The following FANCL variants were observed in gnomAD, a reference collection of about 807,000 sequenced individuals.
FANCL encodes the protein FA complementation group L.
A neutral mutation model predicts 59.4 loss-of-function variants in FANCL; 69 were observed. The ratio of observed to expected loss-of-function variants is 1.16; its 90% confidence interval spans 0.96 to 1.42. The LOEUF (loss-of-function observed/expected upper bound fraction) is 1.42. Ranked by LOEUF, FANCL falls within the 40% of genes most tolerant of loss-of-function variation. The pLI is 0.00. For missense variants in FANCL, 519 were observed against 447.2 expected, an observed-to-expected ratio of 1.16 and a Z score of -1.45; for synonymous variants, 180 against 147.1, an observed-to-expected ratio of 1.22 and a Z score of -1.62.
intron 4 of FANCL, 96 bp downstream of exon 4, chr2:58,226,632 G>T: frequency 3.3e-6 from 3 of 899,508 alleles, no homozygotes; most frequent in Non-Finnish European, 5.4e-6. Context: ...GAGTTAAGAA[G>T]ACAAATTCTA....
At chr2:58,163,176 C>T (rs1483604094) in intron 9 of FANCL, 102 bp from the exon 10 acceptor site, 9 of 1,056,852 alleles carry the variant, frequency 8.5e-6, no homozygotes, top group Admixed American at 6.3e-5. Context: ...ATTAGAAAAT[C>T]AAAATTATAT....
chr2:58,239,950 A>C (rs765846258), intron 1 of FANCL, among the ~76,000 whole-genome samples: 9 of 152,212 alleles, frequency 5.9e-5, no homozygotes, highest in Non-Finnish European at 1.0e-4. Context: ...ATAAACTGCT[A>C]AGGCAGGTAC....
At chr2:58,173,058 G>A (rs918394227) in intron 7 of FANCL, among the ~76,000 whole-genome samples, 2 of 152,182 alleles carry the variant, frequency 1.3e-5, no homozygotes, top group Non-Finnish European at 2.9e-5. Context: ...TGAAGTGAAT[G>A]AAATGAAGCA....
chr2:58,168,894 A>G (rs762172533), intron 7 of FANCL, among the ~76,000 whole-genome samples: 9 of 152,158 alleles, frequency 5.9e-5, no homozygotes, highest in African/African-American at 2.2e-4. Context: ...AGACTGCCTC[A>G]CCAGATTCCT....
At chr2:58,194,926 CA>C (rs200645448) in intron 7 of FANCL, among the ~76,000 whole-genome samples, 30 of 146,046 alleles carry the variant, frequency 2.1e-4, no homozygotes, top group Admixed American at 2.7e-4. Flanking sequence ...TATTATATCA[CA>C]AAAAAAAAAG....
At chr2:58,213,149 T>C (rs1403989329) in intron 5 of FANCL, among the ~76,000 whole-genome samples, 4 of 152,238 alleles carry the variant, frequency 2.6e-5, no homozygotes, top group African/African-American at 7.2e-5. Context: ...TACAGACTTA[T>C]TGACAGAGTC....
At chr2:58,210,460 T>C (rs1267911192) in intron 5 of FANCL, among the ~76,000 whole-genome samples, 2 of 152,302 alleles carry the variant, frequency 1.3e-5, no homozygotes, top group Non-Finnish European at 2.9e-5. Context: ...CAATTCAAGA[T>C]GAGACTTGGG....
intron 2 of FANCL, among the ~76,000 whole-genome samples, chr2:58,231,769 T>C (rs764858631): frequency 2.0e-5 from 3 of 152,216 alleles, no homozygotes; most frequent in Non-Finnish European, 2.9e-5. Flanking sequence ...TGTTCTCCCT[T>C]TATATACCTG....
At chr2:58,188,291 C>T (rs1476166581) in intron 7 of FANCL, among the ~76,000 whole-genome samples, 1 of 151,986 alleles carries the variant, frequency 6.6e-6, no homozygotes, top group African/African-American at 2.4e-5. Context: ...CCATATTATC[C>T]TGAAAAAAGT....
chr2:58,177,565 G>T (rs1687466358), intron 7 of FANCL, among the ~76,000 whole-genome samples: 2 of 145,646 alleles, frequency 1.4e-5, no homozygotes, highest in African/African-American at 5.1e-5. Context: ...CTCACTCATA[G>T]GTGGGAATTG....
At chr2:58,170,512 G>T (rs1686470277) in intron 7 of FANCL, among the ~76,000 whole-genome samples, 2 of 151,986 alleles carry the variant, frequency 1.3e-5, no homozygotes, top group African/African-American at 4.8e-5. Context: ...ATAATGACAG[G>T]ATCAAATTTA....
chr2:58,207,521 T>C (rs1466409765), intron 5 of FANCL, among the ~76,000 whole-genome samples: 1 of 152,208 alleles, frequency 6.6e-6, no homozygotes, highest in Non-Finnish European at 1.5e-5. Context: ...AACCCACTCT[T>C]GACCATCTGC....
At position 58,198,662 on chromosome 2, in the gene FANCL, A is replaced by C. The variant is rs749411866; in HGVS notation, c.472T>G (p.Tyr158Asp). Residue 158 changes from tyrosine (Y) to aspartate (D), a missense_variant and splice_region_variant, in exon 7 of 14, where the codon TAT (tyrosine) becomes GAT (aspartate). Physicochemically the swap from Tyr to Asp is radical, Grantham distance 160. Transcript: ENST00000233741. ...AAATAATCTGGTGATTCTGCAGGAT[A>C]CTATTAAAAAAGCATAACATTAGAC... is the stretch of plus-strand genomic sequence containing the variant. ...HLITLKLKAK[Y>D]PAESPDYFVD... is the part of the protein sequence containing the mutation. The C allele has an allele frequency of 8.1e-6, 13 of 1,612,902 alleles. No individual in the cohort carries two copies. The Admixed American group carries it at 1.7e-4, about 21-fold the overall frequency.
rs1338457697 is a variant in FANCL at position 58,159,693 on chromosome 2, A to G, written c.*72T>C. ...TATTTCTTGCTTTATTTTTTCTCTG[A>G]AGATGATACCAAAATTCCTTTTGAT... On this transcript the variant is annotated 3_prime_UTR_variant, in exon 14 of 14. Coordinates refer to ENST00000233741, the MANE Select transcript of FANCL (RefSeq NM_018062.4). 1.2e-6 allele frequency: 2 copies of G among 1,612,430 alleles called. No individual in the cohort carries two copies. Among genetic ancestry groups the G allele is most frequent in the Non-Finnish European group, 1.7e-6 (2 of 1,179,396 alleles).
chr2:58,199,215 G>C (rs781524477), intron 6 of FANCL, among the ~76,000 whole-genome samples: 1 of 152,082 alleles, frequency 6.6e-6, no homozygotes, highest in Admixed American at 6.6e-5. Context: ...TTGAGTAAAA[G>C]GTAATGAATT....
At chr2:58,162,561 T>C (rs115785010) in intron 11 of FANCL, among the ~76,000 whole-genome samples, 54 of 151,964 alleles carry the variant, frequency 3.6e-4, no homozygotes, top group Admixed American at 2.7e-3. Context: ...CCTGTGTTTA[T>C]GTGAAATCTC....
intron 7 of FANCL, among the ~76,000 whole-genome samples, chr2:58,172,768 T>C (rs1336509987): frequency 6.6e-6 from 1 of 152,012 alleles, no homozygotes; most frequent in Admixed American, 6.6e-5. Context: ...TCACCAGCAA[T>C]GGAACAAAGC....
Position 58,216,764 on chromosome 2 carries a change from C to T in FANCL, c.374+5178G>A, listed in dbSNP as rs768971115. ...CCATTCACACACAGGTACCTTCATACCTTGACCTCTGACCTCACCTACAAC... is the reference window on the plus strand; with the variant it reads ...CCATTCACACACAGGTACCTTCATATCTTGACCTCTGACCTCACCTACAAC... On this transcript the variant is annotated intron_variant, in intron 5 of 13. Coordinates refer to ENST00000233741, the MANE Select transcript of FANCL (RefSeq NM_018062.4). Among the ~76,000 whole-genome samples the T allele has an allele frequency of 3.3e-5, 5 of 151,978 alleles. No individual in the cohort carries two copies. In the South Asian group the frequency reaches 1.0e-3, roughly 32 times the overall value.
At chr2:58,182,041 T>C (rs1376356621) in intron 7 of FANCL, among the ~76,000 whole-genome samples, 1 of 151,772 alleles carries the variant, frequency 6.6e-6, no homozygotes, top group Non-Finnish European at 1.5e-5. Flanking sequence ...ATTATAATCT[T>C]TGAAATGTCT....
Sources: gnomAD v4.1 joint callset for allele counts (sites outside exome capture counted in the v4.1 genomes callset) on GRCh38, gnomAD v4.1.1 for gene constraint, MANE v1.5 for transcripts, NCBI Gene and HGNC (gene_info 2026-07-23, HGNC 2026-07-21) for gene names.